The following PDE12 variants were observed in gnomAD, a reference collection of about 807,000 sequenced individuals.
The protein encoded by PDE12 is 2',5'-phosphodiesterase 12.
In PDE12, 26 loss-of-function variants were observed where a neutral mutation model predicts 45.4. The ratio of observed to expected loss-of-function variants is 0.57; its 90% confidence interval spans 0.42 to 0.79. PDE12 has a LOEUF of 0.79. Among genes scored for constraint, PDE12 ranks in the 30% least tolerant of loss-of-function variants. The pLI, the probability that PDE12 is intolerant of heterozygous loss-of-function variation, is 0.00. For missense variants in PDE12, 668 were observed against 790.0 expected (o/e 0.85, Z 1.85); for synonymous variants, 283 against 323.9 (o/e 0.87, Z 1.36).
At chr3:57,629,926 A>C in the PDE12 span, among the ~76,000 whole-genome samples, 295 of 152,340 alleles carry the variant, frequency 1.9e-3, 1 homozygote, top group African/African-American at 6.8e-3. Context: ...TACTCTACCC[A>C]GTAATGTGCT....
At chr3:57,590,989 C>G in the PDE12 span, among the ~76,000 whole-genome samples, 1 of 152,178 alleles carries the variant, frequency 6.6e-6, no homozygotes, top group Non-Finnish European at 1.5e-5. Context: ...GACTTTAATT[C>G]TCACAATAAC....
chr3:57,584,555 T>C, the PDE12 span: 13 of 1,173,884 alleles, frequency 1.1e-5, no homozygotes, highest in East Asian at 2.8e-4. Context: ...AAACTAGAAG[T>C]TGACTGTTCA....
the PDE12 span, among the ~76,000 whole-genome samples, chr3:57,601,480 G>A: frequency 5.0e-3 from 766 of 152,102 alleles, 4 homozygotes; most frequent in African/African-American, 0.017. Flanking sequence ...CAGTCCCTTG[G>A]GTTTAATAAT....
chr3:57,588,500 G>A, the PDE12 span, among the ~76,000 whole-genome samples: 1 of 152,034 alleles, frequency 6.6e-6, no homozygotes, highest in African/African-American at 2.4e-5. Flanking sequence ...CTGAGCTCAG[G>A]AGTTTGTGAC....
Position 57,557,229 on chromosome 3 carries a change from C to G in PDE12, c.850C>G (p.Leu284Val), listed in dbSNP as rs1034649748. 56 of 1,593,524 alleles carry G rather than the reference C, an allele frequency of 3.5e-5. No homozygotes were observed. Among genetic ancestry groups the G allele is most frequent in the Non-Finnish European group, 4.8e-5 (56 of 1,170,760 alleles). The change falls in exon 1 of 3, where the codon CTC becomes GTC. Residue 284 changes from leucine (L) to valine (V), a missense_variant. Transcript: ENST00000311180. ...PGTCTFDHRH[L>V]YTKKVTEDAL... ...CACCTGCACTTTTGACCACCGGCAT[C>G]TCTACACGAAGAAGGTGACTGAGGA...
At chr3:57,643,018 A>G in the PDE12 span, among the ~76,000 whole-genome samples, 1 of 149,346 alleles carries the variant, frequency 6.7e-6, no homozygotes, top group Non-Finnish European at 1.5e-5. Context: ...AAAAAAAAAA[A>G]AAAAGAAAGA....
Position 57,559,654 on chromosome 3 carries a change from T to C in PDE12, c.1480T>C (p.Cys494Arg). The change falls in exon 3 of 3, where the codon TGT becomes CGT. Residue 494 changes from cysteine to arginine, a missense_variant. Coordinates refer to ENST00000311180, the MANE Select transcript of PDE12 (RefSeq NM_177966.7). ...GTATCCTGGCATACCAGTTATATTT[T>C]GTGGGGACTTTAATAGTACACCATC... is the stretch of plus-strand genomic sequence containing the variant. Reference protein sequence around the residue: ...DLYPGIPVIFCGDFNSTPSTG... With the variant: ...DLYPGIPVIFRGDFNSTPSTG... 6.2e-7 allele frequency: 1 copy of C among 1,614,228 alleles called. No homozygotes were observed. Among genetic ancestry groups the C allele is most frequent in the Non-Finnish European group, 8.5e-7 (1 of 1,180,032 alleles).
At chr3:57,584,564 C>G in the PDE12 span, 2 of 990,866 alleles carry the variant, frequency 2.0e-6, no homozygotes, top group South Asian at 1.5e-5. Context: ...GTTGACTGTT[C>G]AAGACAACTT....
the PDE12 span, chr3:57,633,446 T>C: frequency 9.8e-7 from 1 of 1,021,904 alleles, no homozygotes; most frequent in Non-Finnish European, 1.5e-6. Context: ...TAAATATACA[T>C]TTATACTTGA....
At chr3:57,601,921 T>A in the PDE12 span, among the ~76,000 whole-genome samples, 1 of 151,126 alleles carries the variant, frequency 6.6e-6, no homozygotes, top group African/African-American at 2.4e-5. Context: ...ATTTTTTTTT[T>A]TTTTTGTATT....
chr3:57,576,778 G>C, the PDE12 span, among the ~76,000 whole-genome samples: 1 of 152,034 alleles, frequency 6.6e-6, no homozygotes, highest in Non-Finnish European at 1.5e-5. Context: ...CTATGGGAAG[G>C]CTGCAAAATG....
At chr3:57,587,319 C>CAAAAAA in the PDE12 span, among the ~76,000 whole-genome samples, 5 of 45,364 alleles carry the variant, frequency 1.1e-4, no homozygotes, top group Non-Finnish European at 1.9e-4. Flanking sequence ...AACTCAGTCT[C>CAAAAAA]AAAAAAAAAA....
the PDE12 span, among the ~76,000 whole-genome samples, chr3:57,656,303 C>T: frequency 6.6e-6 from 1 of 152,200 alleles, no homozygotes; most frequent in Non-Finnish European, 1.5e-5. Context: ...GAAACTTTCA[C>T]TTAGCATAAT....
chr3:57,616,914 C>T, the PDE12 span, among the ~76,000 whole-genome samples: 2 of 152,032 alleles, frequency 1.3e-5, no homozygotes, highest in Non-Finnish European at 2.9e-5. Context: ...GTCCCAGCTA[C>T]TCAAGAGGCT....
the PDE12 span, among the ~76,000 whole-genome samples, chr3:57,609,913 C>A: frequency 2.6e-5 from 4 of 152,110 alleles, no homozygotes; most frequent in African/African-American, 9.7e-5. Flanking sequence ...ATACCAAAGG[C>A]TGGCAGAGAC....
the PDE12 span, among the ~76,000 whole-genome samples, chr3:57,624,950 A>T: frequency 6.6e-6 from 1 of 152,084 alleles, no homozygotes; most frequent in South Asian, 2.1e-4. Flanking sequence ...CCCAGGCGGG[A>T]GTGCAGTGGT....
At chr3:57,641,327 A>G in the PDE12 span, among the ~76,000 whole-genome samples, 1 of 144,572 alleles carries the variant, frequency 6.9e-6, no homozygotes, top group Non-Finnish European at 1.5e-5. Flanking sequence ...TCAATATATT[A>G]TATTAAAATA....
At chr3:57,642,443 C>T in the PDE12 span, among the ~76,000 whole-genome samples, 1 of 151,382 alleles carries the variant, frequency 6.6e-6, no homozygotes. Flanking sequence ...GCGTTTTTTG[C>T]CAAGTGGATG....
At chr3:57,648,617 C>T in the PDE12 span, among the ~76,000 whole-genome samples, 1 of 152,072 alleles carries the variant, frequency 6.6e-6, no homozygotes, top group African/African-American at 2.4e-5. Flanking sequence ...CTTCAAACTA[C>T]ACTGTAAAGC....
Sources: allele counts gnomAD v4.1 joint callset (sites outside exome capture counted in the v4.1 genomes callset), GRCh38; gene constraint gnomAD v4.1.1; transcripts MANE v1.5; gene names NCBI Gene and HGNC (gene_info 2026-07-23, HGNC 2026-07-21).